Variants in DPP10 observed in about 807,000 individuals in gnomAD.
DPP10 encodes inactive dipeptidyl peptidase 10.
A neutral mutation model predicts 120.9 loss-of-function variants in DPP10; 33 were observed. The observed-to-expected ratio is 0.27, with a 90% CI of 0.21 to 0.37. The LOEUF (loss-of-function observed/expected upper bound fraction) is 0.37. Among genes scored for constraint, DPP10 ranks in the 10% least tolerant of loss-of-function variants. The probability of loss-of-function intolerance (pLI) is 1.00; values close to 1 mark genes in which losing one functional copy is unlikely to be tolerated. For missense variants in DPP10, 816 were observed against 942.8 expected (o/e 0.87, Z 1.76); for synonymous variants, 337 against 326.1 (o/e 1.03, Z -0.36).
At chr2:115,359,680 A>T (rs1476656716) in intron 3 of DPP10, among the ~76,000 whole-genome samples, 1 of 152,066 alleles carries the variant, frequency 6.6e-6, no homozygotes, top group East Asian at 1.9e-4. Context: ...GATTGGGTAA[A>T]TTTTTATGAA....
At chr2:114,591,745 G>A (rs1013144328) in intron 1 of DPP10, among the ~76,000 whole-genome samples, 13 of 151,876 alleles carry the variant, frequency 8.6e-5, no homozygotes, top group Admixed American at 1.3e-4. Flanking sequence ...AGTAGAGACA[G>A]GGTTTCACCA....
chr2:115,091,978 T>C (rs1249632399), intron 1 of DPP10, among the ~76,000 whole-genome samples: 1 of 152,240 alleles, frequency 6.6e-6, no homozygotes, highest in South Asian at 2.1e-4. Flanking sequence ...TTACTACTAA[T>C]AACCATTGCG....
intron 5 of DPP10, among the ~76,000 whole-genome samples, chr2:115,565,441 A>G (rs573712735): frequency 1.3e-5 from 2 of 152,296 alleles, no homozygotes; most frequent in East Asian, 1.9e-4. Flanking sequence ...CTTAAAAATC[A>G]TAATACATTG....
At chr2:114,479,906 C>G (rs1206645846) in intron 1 of DPP10, among the ~76,000 whole-genome samples, 2 of 152,050 alleles carry the variant, frequency 1.3e-5, no homozygotes, top group Admixed American at 6.6e-5. Flanking sequence ...GCAAAAGAAA[C>G]CACCATCAGA....
At chr2:114,906,615 A>G (rs1196144486) in intron 1 of DPP10, among the ~76,000 whole-genome samples, 1 of 152,146 alleles carries the variant, frequency 6.6e-6, no homozygotes, top group East Asian at 1.9e-4. Context: ...TGAGATGACC[A>G]TGAGGTTATT....
At chr2:114,557,052 T>C (rs1325711891) in intron 1 of DPP10, among the ~76,000 whole-genome samples, 3 of 151,824 alleles carry the variant, frequency 2.0e-5, no homozygotes, top group African/African-American at 7.3e-5. Context: ...AGAAAAGTGC[T>C]ATTTGTTGGA....
chr2:115,149,666 T>C (rs554559032), intron 1 of DPP10, among the ~76,000 whole-genome samples: 1 of 152,232 alleles, frequency 6.6e-6, no homozygotes, highest in Non-Finnish European at 1.5e-5. Context: ...ATTCAGCACT[T>C]TTCTAAGAAA....
intron 19 of DPP10, among the ~76,000 whole-genome samples, chr2:115,811,953 CAAGTAA>C (rs1167923813): frequency 6.6e-6 from 1 of 152,138 alleles, no homozygotes; most frequent in Non-Finnish European, 1.5e-5. Flanking sequence ...AAATTTTCTT[CAAGTAA>C]AAGAATAAAA....
intron 1 of DPP10, among the ~76,000 whole-genome samples, chr2:114,816,009 AAC>A (rs1281041111): frequency 4.6e-5 from 7 of 152,150 alleles, no homozygotes; most frequent in Non-Finnish European, 8.8e-5. Flanking sequence ...TTGGCATCCC[AAC>A]AGTAAATATA....
chr2:115,772,651 T>C (rs1681614469), intron 13 of DPP10, among the ~76,000 whole-genome samples: 1 of 152,188 alleles, frequency 6.6e-6, no homozygotes, highest in Non-Finnish European at 1.5e-5. Flanking sequence ...ACCATTAAAC[T>C]TTTGATCACT....
intron 1 of DPP10, among the ~76,000 whole-genome samples, chr2:114,779,024 A>G (rs1371200903): frequency 1.3e-5 from 2 of 152,084 alleles, no homozygotes; most frequent in African/African-American, 4.8e-5. Flanking sequence ...TTGAGAGTTC[A>G]TGGTCTTAAG....
chr2:114,468,597 A>G, intron 1 of DPP10, among the ~76,000 whole-genome samples: 1 of 152,158 alleles, frequency 6.6e-6, no homozygotes. Context: ...TTTAGCCTTA[A>G]TGTATCTGAA....
At chr2:115,216,582 G>A (rs1050440875) in intron 1 of DPP10, among the ~76,000 whole-genome samples, 1 of 152,010 alleles carries the variant, frequency 6.6e-6, no homozygotes, top group Non-Finnish European at 1.5e-5. Flanking sequence ...CCAGGAGTTC[G>A]AGAGAAGCCT....
chr2:115,617,061 GATTA>G (rs1331067407), intron 5 of DPP10, among the ~76,000 whole-genome samples: 12 of 61,714 alleles, frequency 1.9e-4, no homozygotes, highest in South Asian at 1.4e-3. Context: ...TTGATTCATT[GATTA>G]ATTATTTATA....
At chr2:114,497,346 T>C (rs1415661140) in intron 1 of DPP10, among the ~76,000 whole-genome samples, 22 of 27,050 alleles carry the variant, frequency 8.1e-4, no homozygotes, top group African/African-American at 1.6e-3. Context: ...TACATATACA[T>C]ACACATGTAC....
At chr2:114,636,426 T>C (rs1695310582) in intron 1 of DPP10, among the ~76,000 whole-genome samples, 1 of 151,982 alleles carries the variant, frequency 6.6e-6, no homozygotes, top group Admixed American at 6.5e-5. Flanking sequence ...CAGTGCCAAA[T>C]ATTCGGTGCC....
At chr2:115,649,376 A>C (rs4592858) in intron 5 of DPP10, among the ~76,000 whole-genome samples, 4,577 of 152,212 alleles carry the variant, frequency 0.03, 249 homozygotes, top group African/African-American at 0.1. Context: ...AAAGATTAAC[A>C]TTAAACTCGT....
chr2:114,748,353 T>TTA (rs1413468381), intron 1 of DPP10, among the ~76,000 whole-genome samples: 2 of 133,906 alleles, frequency 1.5e-5, no homozygotes, highest in African/African-American at 3.0e-5. Context: ...TTTTTTTTAT[T>TTA]TTTTTTTATT....
chr2:115,386,305 A>G (rs2066925255), intron 3 of DPP10, among the ~76,000 whole-genome samples: 1 of 152,152 alleles, frequency 6.6e-6, no homozygotes, highest in African/African-American at 2.4e-5. Context: ...TAGGTTCATC[A>G]GGGCTCTAGA....
Sources: gnomAD v4.1 joint callset for allele counts (sites outside exome capture counted in the v4.1 genomes callset) on GRCh38, gnomAD v4.1.1 for gene constraint, MANE v1.5 for transcripts, NCBI Gene and HGNC (gene_info 2026-07-23, HGNC 2026-07-21) for gene names.